Variants in PTPRG observed in about 807,000 individuals in gnomAD.
PTPRG encodes receptor-type tyrosine-protein phosphatase gamma.
PTPRG carries 102 observed loss-of-function variants against 165.3 expected under a neutral mutation model. The observed-to-expected ratio is 0.62, with a 90% CI of 0.53 to 0.73. The LOEUF (loss-of-function observed/expected upper bound fraction) is 0.73, where lower values mean the gene tolerates loss of function less well. PTPRG is among the 30% of genes least tolerant of loss of function. PTPRG has a pLI of 0.00. For missense variants in PTPRG, 1,866 were observed against 1,861.4 expected, an observed-to-expected ratio of 1.00 and a Z score of -0.05; for synonymous variants, 675 against 669.5, an observed-to-expected ratio of 1.01 and a Z score of -0.13.
At chr3:61,781,370 G>C (rs1274987712) in intron 2 of PTPRG, among the ~76,000 whole-genome samples, 8 of 152,106 alleles carry the variant, frequency 5.3e-5, no homozygotes, top group Non-Finnish European at 1.2e-4. Flanking sequence ...ATATAAAAGA[G>C]AAAAAACATA....
At chr3:61,753,847 C>T (rs113267057) in intron 2 of PTPRG, among the ~76,000 whole-genome samples, 2,001 of 152,148 alleles carry the variant, frequency 0.013, 41 homozygotes, top group African/African-American at 0.042. Context: ...CGGCCTGTCT[C>T]GGCCTCCCAA....
chr3:61,738,275 T>TACAC (rs2032810476), intron 1 of PTPRG, among the ~76,000 whole-genome samples: 1 of 68,670 alleles, frequency 1.5e-5, no homozygotes, highest in East Asian at 4.5e-4. Context: ...TATATATATA[T>TACAC]ATACATATAT....
At chr3:61,699,223 G>A (rs2030806272) in intron 1 of PTPRG, among the ~76,000 whole-genome samples, 1 of 152,026 alleles carries the variant, frequency 6.6e-6, no homozygotes, top group Non-Finnish European at 1.5e-5. Flanking sequence ...CGCGTTCAGG[G>A]TGGTATGGCC....
chr3:61,710,182 G>A (rs1385950008), intron 1 of PTPRG, among the ~76,000 whole-genome samples: 1 of 152,140 alleles, frequency 6.6e-6, no homozygotes, highest in Admixed American at 6.6e-5. Flanking sequence ...AAAGTATGAT[G>A]GAAGTGGCTG....
intron 1 of PTPRG, among the ~76,000 whole-genome samples, chr3:61,636,082 G>T (rs1172347552): frequency 6.6e-6 from 1 of 152,094 alleles, no homozygotes; most frequent in African/African-American, 2.4e-5. Context: ...GAGCTATCCT[G>T]AAGGTCAGTT....
chr3:61,835,495 G>C (rs2036431049), intron 2 of PTPRG, among the ~76,000 whole-genome samples: 1 of 151,860 alleles, frequency 6.6e-6, no homozygotes, highest in Non-Finnish European at 1.5e-5. Flanking sequence ...CACCACACCT[G>C]GCTAATTTTT....
At chr3:61,705,605 G>A (rs2031206679) in intron 1 of PTPRG, among the ~76,000 whole-genome samples, 1 of 152,200 alleles carries the variant, frequency 6.6e-6, no homozygotes, top group South Asian at 2.1e-4. Context: ...GTGCAATAAA[G>A]AAGAGTCATT....
chr3:62,273,740 C>CT lies in PTPRG; in HGVS notation c.3363dup (p.Gly1122TrpfsTer5), dbSNP rs1702148130. The CT allele has an allele frequency of 6.2e-7, 1 of 1,613,566 alleles. No individual in the cohort carries two copies. The stretch of plus-strand genomic sequence containing the variant: ...CCATGATGCCTTGTTGGAAGCCATT[C>CT]TTGGAAAGGAGACTGAAGTATCTTC... On this transcript the variant is annotated frameshift_variant, in exon 23 of 30. Coordinates refer to ENST00000474889, the MANE Select transcript of PTPRG (RefSeq NM_002841.4). LOFTEE classifies it high-confidence loss of function. This position sits in a 1 kb window ranked among gnomAD's most constrained non-coding sequence, Gnocchi z 4.1.
intron 2 of PTPRG, among the ~76,000 whole-genome samples, chr3:61,826,213 A>G (rs553583931): frequency 6.6e-6 from 1 of 152,030 alleles, no homozygotes; most frequent in Non-Finnish European, 1.5e-5. Context: ...TGGAAATTTG[A>G]TCTGTATCTG....
intron 7 of PTPRG, among the ~76,000 whole-genome samples, chr3:62,164,326 G>T (rs2106721518): frequency 6.6e-6 from 1 of 152,292 alleles, no homozygotes; most frequent in Middle Eastern, 3.4e-3. Context: ...CTGCCCACTT[G>T]CCAAAGTGAG....
intron 2 of PTPRG, among the ~76,000 whole-genome samples, chr3:61,773,934 G>C (rs597001): frequency 0.85 from 129,132 of 151,848 alleles, 55,062 homozygotes; most frequent in East Asian, 0.94. Flanking sequence ...ACCACCACGC[G>C]TGGCTAATTT....
chr3:61,803,004 G>C (rs1158586563), intron 2 of PTPRG, among the ~76,000 whole-genome samples: 3 of 152,170 alleles, frequency 2.0e-5, no homozygotes, highest in Non-Finnish European at 4.4e-5. Context: ...GGGCACACAG[G>C]CCAAATTCAG....
intron 6 of PTPRG, among the ~76,000 whole-genome samples, chr3:62,156,084 GGAA>G (rs1023240212): frequency 2.4e-4 from 37 of 152,326 alleles, no homozygotes; most frequent in African/African-American, 8.4e-4. Context: ...GGGCATGCTT[GGAA>G]GAATTATAAG....
intron 2 of PTPRG, among the ~76,000 whole-genome samples, chr3:61,932,570 G>C (rs1375877909): frequency 3.9e-5 from 6 of 152,166 alleles, no homozygotes; most frequent in Admixed American, 3.9e-4. Flanking sequence ...CTGTTTTCAT[G>C]CTTTCATTTG....
intron 2 of PTPRG, among the ~76,000 whole-genome samples, chr3:61,887,161 TATATA>T (rs2038071334): frequency 4.3e-5 from 4 of 92,744 alleles, no homozygotes; most frequent in Admixed American, 2.2e-4. Context: ...TATATATATA[TATATA>T]TATATTTTTA....
chr3:61,924,784 A>G (rs1172215620), intron 2 of PTPRG, among the ~76,000 whole-genome samples: 6 of 152,178 alleles, frequency 3.9e-5, no homozygotes, highest in Admixed American at 3.9e-4. Flanking sequence ...TGTCTTTGTC[A>G]TTGTAGTAAA....
At chr3:61,930,732 T>G (rs1007352759) in intron 2 of PTPRG, among the ~76,000 whole-genome samples, 16 of 152,170 alleles carry the variant, frequency 1.1e-4, no homozygotes, top group African/African-American at 3.9e-4. Context: ...TAGGTAATTA[T>G]GCTGTCGAAC....
At chr3:62,003,828 T>G (rs1451284832) in intron 4 of PTPRG, among the ~76,000 whole-genome samples, 1 of 152,226 alleles carries the variant, frequency 6.6e-6, no homozygotes, top group Non-Finnish European at 1.5e-5. Context: ...GAAACTGGGT[T>G]GACTTCATTT....
At chr3:61,741,986 G>A (rs1372429574) in intron 1 of PTPRG, among the ~76,000 whole-genome samples, 1 of 152,122 alleles carries the variant, frequency 6.6e-6, no homozygotes, top group African/African-American at 2.4e-5. Context: ...ATTCAATATA[G>A]ACTCAGTGAC....
Sources: allele counts gnomAD v4.1 joint callset (sites outside exome capture counted in the v4.1 genomes callset), GRCh38; gene constraint gnomAD v4.1.1; non-coding constraint Gnocchi (gnomAD v3.1); transcripts MANE v1.5; gene names NCBI Gene and HGNC (gene_info 2026-07-23, HGNC 2026-07-21).